Variants in MAP1LC3B observed in about 807,000 individuals in gnomAD.
MAP1LC3B encodes the protein microtubule associated protein 1 light chain 3 beta.
A neutral mutation model predicts 16.7 loss-of-function variants in MAP1LC3B; 12 were observed. The ratio of observed to expected loss-of-function variants is 0.72; its 90% confidence interval spans 0.46 to 1.16. MAP1LC3B has a LOEUF of 1.16. Ranked by LOEUF, MAP1LC3B falls within the 50% of genes most tolerant of loss-of-function variation. The pLI, the probability that MAP1LC3B is intolerant of heterozygous loss-of-function variation, is 0.00. For synonymous variants in MAP1LC3B, 63 were observed against 56.5 expected (o/e 1.11, Z -0.51); for missense variants, 155 against 159.5 (o/e 0.97, Z 0.15).
At position 87,402,948 on chromosome 16, in the gene MAP1LC3B, C is replaced by G. The variant is rs759447346; in HGVS notation, c.229C>G (p.Gln77Glu). The change falls in exon 4 of 4, where the codon CAG becomes GAG. Residue 77 changes from glutamine to glutamate, a missense_variant. Physicochemically the swap from Gln to Glu is conservative, Grantham distance 29. Transcript: ENST00000268607. ...IRRRLQLNANQAFFLLVNGHS... is the reference protein window; with the variant it reads ...IRRRLQLNANEAFFLLVNGHS... ...AAGGCGCTTACAGCTCAATGCTAAT[C>G]AGGCCTTCTTCCTGTTGGTGAACGG... 6.2e-7 allele frequency: 1 copy of G among 1,613,986 alleles called. No individual in the cohort carries two copies. Among genetic ancestry groups the G allele is most frequent in the South Asian group, 1.1e-5 (1 of 91,072 alleles).
intron 3 of MAP1LC3B, chr16:87,402,612 AG>A: frequency 1.9e-6 from 1 of 537,060 alleles, no homozygotes; most frequent in Non-Finnish European, 3.3e-6. Context: ...TGTGAGTGGC[AG>A]TAAATGGCAC....
chr16:87,397,910 T>A (rs997759715), intron 1 of MAP1LC3B, among the ~76,000 whole-genome samples: 1 of 152,144 alleles, frequency 6.6e-6, no homozygotes, highest in Non-Finnish European at 1.5e-5. Context: ...TCTCTAACTG[T>A]ATTTTTGGGT....
rs1908030223 is a variant in MAP1LC3B at position 87,402,496 on chromosome 16, C to G, written c.203+215C>G. ...TTATATTACTTGCTAGACTGCAGAG[C>G]CCGTTTCTTTCATCATAACATCGTT... On this transcript the variant is annotated intron_variant, in intron 3 of 3. Coordinates refer to ENST00000268607, the MANE Select transcript of MAP1LC3B (RefSeq NM_022818.5). The G allele has an allele frequency of 8.7e-6, 5 of 575,692 alleles. No homozygotes were observed. In the East Asian group the frequency reaches 1.4e-4, roughly 17 times the overall value. The allele number at this position is 575,692 out of a possible 1,614,324, so 35.7% of individuals were successfully genotyped here.
Position 87,398,979 on chromosome 16 carries a change from C to A in MAP1LC3B, c.96+109C>A, listed in dbSNP as rs540182903. On this transcript the variant is annotated intron_variant, in intron 2 of 3. Transcript: ENST00000268607. ...ACAGGAATCACCAGACAGCCAAACC[C>A]TGGGTGTCAGTTTCACAACCTAGAG... The A allele has an allele frequency of 1.2e-5, 11 of 919,686 alleles. No homozygotes were observed. In the South Asian group the frequency reaches 1.5e-4, roughly 13 times the overall value. The allele number at this position is 919,686 out of a possible 1,614,324, so 57.0% of individuals were successfully genotyped here. A position where few individuals can be genotyped will look rare whatever the true frequency, so the allele number is the denominator to read the frequency against.
chr16:87,399,658 A>G, intron 2 of MAP1LC3B: 1 of 453,888 alleles, frequency 2.2e-6, no homozygotes, highest in Non-Finnish European at 4.4e-6. Flanking sequence ...ACAGACACTA[A>G]TGAGACTCAG....
In MAP1LC3B at chr16:87,403,110, T is replaced by C. The variant is rs147742384; in HGVS notation, c.*13T>C. ...ATTGTCAGTGTAAAACCAGAAAAAA[T>C]GCAGCTCTTCTAGAATTGTTTAAAC... On this transcript the variant is annotated 3_prime_UTR_variant, in exon 4 of 4. Coordinates refer to ENST00000268607, the MANE Select transcript of MAP1LC3B (RefSeq NM_022818.5). 153 of 1,584,126 alleles carry C rather than the reference T, an allele frequency of 9.7e-5. No homozygotes were observed. In the African/African-American group the frequency reaches 1.6e-3, roughly 16 times the overall value.
intron 3 of MAP1LC3B, 160 bp downstream of exon 3, chr16:87,402,441 A>G (rs981324896): frequency 1.4e-6 from 1 of 709,462 alleles, no homozygotes; most frequent in African/African-American, 1.8e-5. Flanking sequence ...ATTTCAACTT[A>G]AACTATAAAA....
At chr16:87,399,784 T>A (rs1038977948) in intron 2 of MAP1LC3B, 17 of 309,392 alleles carry the variant, frequency 5.5e-5, no homozygotes, top group African/African-American at 3.3e-4. Context: ...TATTTATTTA[T>A]TTATTTTGAG....
At chr16:87,402,780 C>T (rs1908041003) in intron 3 of MAP1LC3B, 143 bp from the exon 4 acceptor site, 7 of 968,648 alleles carry the variant, frequency 7.2e-6, no homozygotes, top group East Asian at 2.6e-5. Context: ...AAGGAAGTGT[C>T]CTGTGCTTTA....
At chr16:87,396,245 G>A (rs920050865) in intron 1 of MAP1LC3B, among the ~76,000 whole-genome samples, 3 of 151,894 alleles carry the variant, frequency 2.0e-5, no homozygotes, top group Admixed American at 6.6e-5. Flanking sequence ...GTAGGCCAAG[G>A]TGGGCGGATC....
At chr16:87,402,146 T>G in intron 2 of MAP1LC3B, 29 bp from the exon 3 acceptor site, 1 of 1,613,446 alleles carries the variant, frequency 6.2e-7, no homozygotes, top group Non-Finnish European at 8.5e-7. Flanking sequence ...TGATGACTAT[T>G]TTAAAATCAC....
In MAP1LC3B at chr16:87,404,515, G is replaced by A. The variant is rs1266041375; in HGVS notation, c.*1418G>A. On this transcript the variant is annotated 3_prime_UTR_variant, in exon 4 of 4. Transcript: ENST00000268607. Reference sequence around the variant, plus strand: ...CACCCCCGCATGCGTCTGTCCACTTGGCTAACTTTTAATATGTGTATTTTT... The same window carrying A: ...CACCCCCGCATGCGTCTGTCCACTTAGCTAACTTTTAATATGTGTATTTTT... 1 of 151,926 alleles carries A rather than the reference G, an allele frequency of 6.6e-6. No individual in the cohort carries two copies. The highest frequency in any genetic ancestry group is 1.5e-5 in the Non-Finnish European group (1 of 68,006). The allele number at this position is 151,926 out of a possible 1,614,324, so 9.4% of individuals were successfully genotyped here.
At chr16:87,394,290 ATCT>A (rs1274090878) in intron 1 of MAP1LC3B, among the ~76,000 whole-genome samples, 3 of 151,258 alleles carry the variant, frequency 2.0e-5, no homozygotes, top group South Asian at 4.2e-4. Context: ...AAAAAAAAAA[ATCT>A]TTCTAGTTCA....
In MAP1LC3B at chr16:87,402,196, G is replaced by A. The variant is rs200880487; in HGVS notation, c.118G>A (p.Gly40Ser). 6.2e-7 allele frequency: 1 copy of A among 1,613,942 alleles called. No individual in the cohort carries two copies. The highest frequency in any genetic ancestry group is 8.5e-7 in the Non-Finnish European group (1 of 1,180,010). ...CCAGGTGATAATAGAACGATACAAG[G>A]GTGAGAAGCAGCTTCCTGTTCTGGA... ...KIPVIIERYK[G>S]EKQLPVLDKT... is the part of the protein sequence containing the mutation. Residue 40 changes from glycine (G) to serine (S), a missense_variant, in exon 3 of 4, where the codon GGT (glycine) becomes AGT (serine). Physicochemically the swap from Gly to Ser is moderately conservative, Grantham distance 56. Coordinates refer to ENST00000268607, the MANE Select transcript of MAP1LC3B (RefSeq NM_022818.5).
At chr16:87,395,872 T>G (rs1203207127) in intron 1 of MAP1LC3B, among the ~76,000 whole-genome samples, 1 of 140,712 alleles carries the variant, frequency 7.1e-6, no homozygotes, top group African/African-American at 2.7e-5. Context: ...TTTTTTTTTT[T>G]TTTTTTGAGA....
At chr16:87,398,741 G>A in intron 1 of MAP1LC3B, 74 bp from the exon 2 acceptor site, 2 of 1,330,258 alleles carry the variant, frequency 1.5e-6, no homozygotes, top group Admixed American at 1.7e-5. Flanking sequence ...GAACTTGGAT[G>A]GAGAACCAGC....
At chr16:87,396,491 TTC>T (rs1907811527) in intron 1 of MAP1LC3B, among the ~76,000 whole-genome samples, 1 of 151,230 alleles carries the variant, frequency 6.6e-6, no homozygotes. Context: ...AAAAAAAAAA[TTC>T]TTTCCCCTCT....
intron 1 of MAP1LC3B, chr16:87,393,241 C>T (rs529847404): frequency 6.6e-6 from 1 of 152,368 alleles, no homozygotes; most frequent in South Asian, 2.1e-4. Flanking sequence ...GTGCAGGTGT[C>T]ACCATCACAA....
At chr16:87,402,665 GCTTT>G (rs1908036246) in intron 3 of MAP1LC3B, 3 of 556,816 alleles carry the variant, frequency 5.4e-6, no homozygotes, top group Non-Finnish European at 9.4e-6. Flanking sequence ...TATTTGAACT[GCTTT>G]CTTATATTAG....
Sources: gnomAD v4.1 joint callset for allele counts (sites outside exome capture counted in the v4.1 genomes callset) on GRCh38, gnomAD v4.1.1 for gene constraint, MANE v1.5 for transcripts, NCBI Gene and HGNC (gene_info 2026-07-23, HGNC 2026-07-21) for gene names.